CMSS1: variants seen among roughly 807,000 people sequenced by gnomAD.
CMSS1 encodes the protein protein CMSS1.
In CMSS1, 33 loss-of-function variants were observed where a neutral mutation model predicts 43.5. The observed-to-expected ratio is 0.76, with a 90% CI of 0.57 to 1.01. The LOEUF is 1.01. CMSS1 is among the 50% of genes least tolerant of loss of function. The pLI, the probability that CMSS1 is intolerant of heterozygous loss-of-function variation, is 0.00. For missense variants in CMSS1, 313 were observed against 326.4 expected, an observed-to-expected ratio of 0.96 and a Z score of 0.32; for synonymous variants, 115 against 117.2, an observed-to-expected ratio of 0.98 and a Z score of 0.12.
intron 1 of CMSS1, among the ~76,000 whole-genome samples, chr3:100,112,876 A>G (rs558926983): frequency 1.2e-4 from 19 of 152,388 alleles, no homozygotes; most frequent in African/African-American, 4.6e-4. Flanking sequence ...TGATAAATGT[A>G]GAGAAATGTT....
chr3:99,849,105 A>T (rs779947478), intron 1 of CMSS1: 31 of 1,614,048 alleles, frequency 1.9e-5, no homozygotes, highest in Admixed American at 8.3e-5. Flanking sequence ...GCTTTCTGTT[A>T]ACAGGACATG....
intron 1 of CMSS1, among the ~76,000 whole-genome samples, chr3:99,899,765 C>G (rs1706376745): frequency 6.6e-6 from 1 of 152,162 alleles, no homozygotes; most frequent in Non-Finnish European, 1.5e-5. Flanking sequence ...GGGTGATGAA[C>G]CAGACTCCCT....
chr3:100,027,223 C>T (rs913072068), intron 1 of CMSS1, among the ~76,000 whole-genome samples: 4 of 152,070 alleles, frequency 2.6e-5, no homozygotes, highest in African/African-American at 7.2e-5. Flanking sequence ...TTTTTTATTA[C>T]CTGTTTTCTG....
At chr3:99,984,170 T>A (rs1429016435) in intron 1 of CMSS1, among the ~76,000 whole-genome samples, 2 of 152,068 alleles carry the variant, frequency 1.3e-5, no homozygotes, top group Non-Finnish European at 2.9e-5. Flanking sequence ...TTAAGCAGAA[T>A]TTTTAAAAAG....
At chr3:100,078,500 G>A (rs780841169) in intron 1 of CMSS1, among the ~76,000 whole-genome samples, 2 of 152,124 alleles carry the variant, frequency 1.3e-5, no homozygotes, top group African/African-American at 2.4e-5. Context: ...TAGGTCAAGG[G>A]TGTCCAATCT....
intron 6 of CMSS1, among the ~76,000 whole-genome samples, chr3:100,171,454 A>G (rs1343171156): frequency 1.3e-5 from 2 of 152,042 alleles, no homozygotes; most frequent in Non-Finnish European, 2.9e-5. Flanking sequence ...CACCGCTCCA[A>G]GATATCTTTT....
intron 1 of CMSS1, among the ~76,000 whole-genome samples, chr3:99,877,793 T>C (rs1029733921): frequency 6.6e-6 from 1 of 152,210 alleles, no homozygotes; most frequent in Non-Finnish European, 1.5e-5. Flanking sequence ...ATTAAATGAC[T>C]TTTATGAAAG....
At chr3:99,863,531 A>G (rs1355621536) in intron 1 of CMSS1, among the ~76,000 whole-genome samples, 2 of 152,246 alleles carry the variant, frequency 1.3e-5, no homozygotes, top group Admixed American at 1.3e-4. Flanking sequence ...TCTTCAGAAG[A>G]AAATACAAAG....
intron 1 of CMSS1, among the ~76,000 whole-genome samples, chr3:99,976,863 T>C (rs1708987709): frequency 6.6e-6 from 1 of 152,170 alleles, no homozygotes; most frequent in Non-Finnish European, 1.5e-5. Flanking sequence ...TGTTCAGTTA[T>C]TTTCTCTGGC....
chr3:100,045,115 AGATGT>A (rs2065258815), intron 1 of CMSS1, among the ~76,000 whole-genome samples: 1 of 152,212 alleles, frequency 6.6e-6, no homozygotes, highest in Non-Finnish European at 1.5e-5. Flanking sequence ...CGCTCACAAG[AGATGT>A]AGGCTAGAAA....
At chr3:99,876,713 T>C (rs925662980) in intron 1 of CMSS1, among the ~76,000 whole-genome samples, 1 of 152,150 alleles carries the variant, frequency 6.6e-6, no homozygotes, top group Admixed American at 6.5e-5. Flanking sequence ...TATTTCCTGA[T>C]GATGTAACTA....
intron 1 of CMSS1, among the ~76,000 whole-genome samples, chr3:100,109,388 A>G (rs1476982108): frequency 6.6e-6 from 1 of 152,178 alleles, no homozygotes; most frequent in Non-Finnish European, 1.5e-5. Context: ...GAAAATTTTG[A>G]CAAGCTCATG....
At chr3:99,902,082 T>C (rs1401969205) in intron 1 of CMSS1, among the ~76,000 whole-genome samples, 1 of 152,182 alleles carries the variant, frequency 6.6e-6, no homozygotes, top group Non-Finnish European at 1.5e-5. Flanking sequence ...AGACAAAATA[T>C]TTAAATGATT....
chr3:100,052,452 G>A lies in CMSS1; in HGVS notation c.65-94521G>A, dbSNP rs569003001. Among the ~76,000 whole-genome samples, 6 of 152,302 alleles carry A rather than the reference G, an allele frequency of 3.9e-5. No individual in the cohort carries two copies. The East Asian group carries it at 1.2e-3, about 29-fold the overall frequency. On this transcript the variant is annotated intron_variant, in intron 1 of 9. Transcript: ENST00000421999. The stretch of plus-strand genomic sequence containing the variant: ...TCCGTGTGCATGTCCTATTAGAACT[G>A]AGTGCACCCAGTTGGAGGATGGGTC...
intron 1 of CMSS1, among the ~76,000 whole-genome samples, chr3:100,133,042 A>G (rs2066722837): frequency 6.6e-6 from 1 of 152,100 alleles, no homozygotes; most frequent in Non-Finnish European, 1.5e-5. Flanking sequence ...AAGACCTTTT[A>G]AAAACATGTA....
At chr3:99,932,930 T>C (rs1707532645) in intron 1 of CMSS1, among the ~76,000 whole-genome samples, 1 of 152,166 alleles carries the variant, frequency 6.6e-6, no homozygotes, top group South Asian at 2.1e-4. Flanking sequence ...TCCAATGACC[T>C]GATCTGGAAG....
chr3:100,053,333 A>T (rs1194706074), intron 1 of CMSS1, among the ~76,000 whole-genome samples: 1 of 152,202 alleles, frequency 6.6e-6, no homozygotes, highest in Admixed American at 6.5e-5. Flanking sequence ...TGCTTCCTTC[A>T]AAGGCCGTAG....
chr3:99,849,893 A>G lies in CMSS1; in HGVS notation c.64+31850A>G, dbSNP rs9843741. 4,236 of 1,611,866 alleles carry G rather than the reference A, an allele frequency of 2.6e-3. 109 individuals are homozygous for G. In the African/African-American group the frequency reaches 0.047, roughly 18 times the overall value. ...AGGAAATCTTTCTCAATTGCTTCCA[A>G]TGATTGAAGCCTATTTTTCAACATA... On this transcript the variant is annotated intron_variant, in intron 1 of 9. Transcript: ENST00000421999.
intron 1 of CMSS1, among the ~76,000 whole-genome samples, chr3:99,997,239 G>A (rs1006449619): frequency 1.3e-5 from 2 of 151,932 alleles, no homozygotes; most frequent in Admixed American, 6.6e-5. Flanking sequence ...CCAAGAAGAA[G>A]GTCCAAATAA....
Sources: gnomAD v4.1 joint callset for allele counts (sites outside exome capture counted in the v4.1 genomes callset) on GRCh38, gnomAD v4.1.1 for gene constraint, MANE v1.5 for transcripts, NCBI Gene and HGNC (gene_info 2026-07-23, HGNC 2026-07-21) for gene names.